CPT1A: variants seen among roughly 807,000 people sequenced by gnomAD.
CPT1A encodes carnitine O-palmitoyltransferase 1, liver isoform.
Under a neutral mutation model 100.8 loss-of-function variants are expected in CPT1A, and 64 were observed. The observed-to-expected ratio is 0.63, with a 90% CI of 0.52 to 0.78. The LOEUF is 0.78. Ranked by LOEUF, CPT1A falls within the 30% of genes least tolerant of loss-of-function variation. CPT1A has a pLI of 0.00. For missense variants in CPT1A, 802 were observed against 1,034.1 expected, an observed-to-expected ratio of 0.78 and a Z score of 3.08; for synonymous variants, 363 against 396.0, an observed-to-expected ratio of 0.92 and a Z score of 0.99.
chr11:68,758,416 G>C (rs1424706899), intron 18 of CPT1A, among the ~76,000 whole-genome samples: 1 of 152,164 alleles, frequency 6.6e-6, no homozygotes, highest in Non-Finnish European at 1.5e-5. Context: ...CCATGCTAGG[G>C]AGGAGGTCCC....
chr11:68,839,697 C>T (rs953028273), intron 1 of CPT1A: 3 of 985,528 alleles, frequency 3.0e-6, no homozygotes, highest in Non-Finnish European at 3.6e-6. Flanking sequence ...AAGGGGCTCA[C>T]TGTGAAGCCT....
At chr11:68,832,263 A>G (rs1856898802) in intron 1 of CPT1A, among the ~76,000 whole-genome samples, 1 of 152,178 alleles carries the variant, frequency 6.6e-6, no homozygotes, top group South Asian at 2.1e-4. Context: ...AGCCTGACCA[A>G]TATGGTGAAA....
intron 1 of CPT1A, among the ~76,000 whole-genome samples, chr11:68,840,807 T>C (rs1857140023): frequency 6.6e-6 from 1 of 152,218 alleles, no homozygotes; most frequent in South Asian, 2.1e-4. Context: ...GAGAAGGGGC[T>C]GCCCCGCGTG....
intron 1 of CPT1A, among the ~76,000 whole-genome samples, chr11:68,835,761 G>A (rs1856992947): frequency 6.6e-6 from 1 of 152,230 alleles, no homozygotes; most frequent in Non-Finnish European, 1.5e-5. Context: ...CAGTGGTCTG[G>A]GAAGCAGCCT....
chr11:68,762,437 T>G (rs1043605648), intron 15 of CPT1A, among the ~76,000 whole-genome samples, 190 bp downstream of exon 15: 1 of 152,240 alleles, frequency 6.6e-6, no homozygotes, highest in African/African-American at 2.4e-5. Context: ...TCCTTGTCCC[T>G]ACCTTTACCT....
At chr11:68,782,996 C>T (rs1160077539) in intron 10 of CPT1A, among the ~76,000 whole-genome samples, 4 of 152,204 alleles carry the variant, frequency 2.6e-5, no homozygotes, top group African/African-American at 4.8e-5. Flanking sequence ...ACGTCTCCTC[C>T]GCTGGGGATT....
chr11:68,812,334 A>G, intron 3 of CPT1A, 103 bp downstream of exon 3: 2 of 1,483,078 alleles, frequency 1.3e-6, no homozygotes, highest in African/African-American at 1.4e-5. Flanking sequence ...GGAGCTTCAT[A>G]TGGAATCCAG....
At chr11:68,762,523 A>T in intron 15 of CPT1A, 104 bp downstream of exon 15, 5 of 1,425,168 alleles carry the variant, frequency 3.5e-6, no homozygotes, top group Non-Finnish European at 4.9e-6. Context: ...CTAAAGAAGA[A>T]GGTACAGGAA....
chr11:68,840,368 A>G (rs1220580051), intron 1 of CPT1A, among the ~76,000 whole-genome samples: 2 of 152,248 alleles, frequency 1.3e-5, no homozygotes, highest in South Asian at 4.1e-4. Context: ...TTTGTGGCTT[A>G]GAATGAAATA....
chr11:68,796,599 A>C (rs1028107194), intron 7 of CPT1A, among the ~76,000 whole-genome samples: 1 of 152,186 alleles, frequency 6.6e-6, no homozygotes, highest in African/African-American at 2.4e-5. Context: ...GGTACAGCAC[A>C]GTGAGGAATT....
chr11:68,808,654 C>T (rs1856114486), intron 3 of CPT1A, among the ~76,000 whole-genome samples: 1 of 151,576 alleles, frequency 6.6e-6, no homozygotes, highest in Non-Finnish European at 1.5e-5. Flanking sequence ...TAGGTGTGTG[C>T]CACTGTGCCT....
At chr11:68,762,893 G>A (rs899037810) in intron 14 of CPT1A, 132 bp from the exon 15 acceptor site, 19 of 1,163,702 alleles carry the variant, frequency 1.6e-5, no homozygotes, top group Non-Finnish European at 7.4e-6. Context: ...GGGTCTTGCT[G>A]TTGCCCAGGC....
At chr11:68,819,774 C>A (rs999352566) in intron 1 of CPT1A, among the ~76,000 whole-genome samples, 2 of 152,126 alleles carry the variant, frequency 1.3e-5, no homozygotes, top group African/African-American at 4.8e-5. Flanking sequence ...CTAAATGCCC[C>A]TAAGGTGCAC....
At position 68,757,135 on chromosome 11, in the gene CPT1A, A is replaced by T; in HGVS notation, c.*509T>A. 4.6e-6 allele frequency: 1 copy of T among 215,412 alleles called. No individual in the cohort carries two copies. The highest frequency in any genetic ancestry group is 8.4e-6 in the Non-Finnish European group (1 of 118,496). 13.3% of individuals were successfully genotyped at this position (215,412 alleles called of 1,614,324 possible). A position where few individuals can be genotyped will look rare whatever the true frequency, so the allele number is the denominator to read the frequency against. On this transcript the variant is annotated 3_prime_UTR_variant, in exon 19 of 19. Transcript: ENST00000265641. ...AACGGTTACCCACGGTGACAAAAGCAGGTCTCCAAAGCACAGCATTTTGGT... is the reference window on the plus strand; with the variant it reads ...AACGGTTACCCACGGTGACAAAAGCTGGTCTCCAAAGCACAGCATTTTGGT...
chr11:68,804,253 C>T lies in CPT1A; in HGVS notation c.454-152G>A, dbSNP rs139456623. On this transcript the variant is annotated intron_variant, in intron 4 of 18. Coordinates refer to ENST00000265641, the MANE Select transcript of CPT1A (RefSeq NM_001876.4). ...CAAAGACAAGGCTATGTTAAAGATCCGAAGCCACTTTTCCCGTGCGCACAA... is the reference window on the plus strand; with the variant it reads ...CAAAGACAAGGCTATGTTAAAGATCTGAAGCCACTTTTCCCGTGCGCACAA... The T allele has an allele frequency of 7.9e-4, 547 of 688,760 alleles. 2 individuals are homozygous for T. The highest frequency in any genetic ancestry group is 5.1e-3 in the East Asian group (185 of 36,430). The allele number at this position is 688,760 out of a possible 1,614,324, so 42.7% of individuals were successfully genotyped here. A position where few individuals can be genotyped will look rare whatever the true frequency, so the allele number is the denominator to read the frequency against.
At position 68,784,782 on chromosome 11, in the gene CPT1A, C is replaced by G. The variant is rs745883990; in HGVS notation, c.1163+33G>C. On this transcript the variant is annotated intron_variant, in intron 10 of 18. Transcript: ENST00000265641. Reference sequence around the variant, plus strand: ...GTGAGGAAGAGCGCCTCCACCACCCCCCAAAACAGGACAAGGGACCTAGGC... The same window carrying G: ...GTGAGGAAGAGCGCCTCCACCACCCGCCAAAACAGGACAAGGGACCTAGGC... 1.9e-6 allele frequency: 3 copies of G among 1,598,372 alleles called. No homozygotes were observed. The South Asian group carries it at 3.3e-5, about 18-fold the overall frequency.
chr11:68,798,243 C>T (rs940379950), intron 6 of CPT1A, among the ~76,000 whole-genome samples: 2 of 152,202 alleles, frequency 1.3e-5, no homozygotes, highest in African/African-American at 4.8e-5. Context: ...CTGAAACACA[C>T]GTACCTACAG....
chr11:68,772,450 A>G (rs1855016658), intron 14 of CPT1A, among the ~76,000 whole-genome samples: 1 of 152,160 alleles, frequency 6.6e-6, no homozygotes, highest in African/African-American at 2.4e-5. Context: ...TGCTCCCTCC[A>G]ATGGACAAGA....
intron 3 of CPT1A, among the ~76,000 whole-genome samples, chr11:68,810,294 A>G (rs1057261768): frequency 3.1e-4 from 47 of 152,300 alleles, no homozygotes; most frequent in African/African-American, 8.4e-4. Flanking sequence ...GGGTCCTGGG[A>G]CCTCAAGGAA....
Sources: gnomAD v4.1 joint callset for allele counts (sites outside exome capture counted in the v4.1 genomes callset) on GRCh38, gnomAD v4.1.1 for gene constraint, MANE v1.5 for transcripts, NCBI Gene and HGNC (gene_info 2026-07-23, HGNC 2026-07-21) for gene names.